The following TMEM108 variants were observed in gnomAD, a reference collection of about 807,000 sequenced individuals.
The protein encoded by TMEM108 is transmembrane protein 108, also known as cancer/testis antigen 124.
A neutral mutation model predicts 35.1 loss-of-function variants in TMEM108; 12 were observed. The observed-to-expected ratio is 0.34, with a 90% CI of 0.22 to 0.55. The LOEUF is 0.55. Among genes scored for constraint, TMEM108 ranks in the 20% least tolerant of loss-of-function variants. The pLI, the probability that TMEM108 is intolerant of heterozygous loss-of-function variation, is 0.89. For synonymous variants in TMEM108, 287 were observed against 308.6 expected, an observed-to-expected ratio of 0.93 and a Z score of 0.73; for missense variants, 680 against 753.3, an observed-to-expected ratio of 0.90 and a Z score of 1.14.
intron 5 of TMEM108, among the ~76,000 whole-genome samples, chr3:133,392,284 T>C (rs2073245540): frequency 6.8e-6 from 1 of 147,746 alleles, no homozygotes; most frequent in African/African-American, 2.5e-5. Context: ...TGCCTCAGCC[T>C]CCCAAGTAGC....
rs182256049 is a variant in TMEM108, at chr3:133,166,329, A to G, written c.-46-62937A>G. On this transcript the variant is annotated intron_variant, in intron 2 of 5. Transcript: ENST00000321871. ...ACCTATGTAACAAATCTGCACATGC[A>G]CCCGTAAACTAAAAATAGAAGTTGG... is the stretch of plus-strand genomic sequence containing the variant. Among the ~76,000 whole-genome samples the G allele has an allele frequency of 1.7e-3, 254 of 152,308 alleles. 2 individuals carry two copies. The highest frequency in any genetic ancestry group is 5.9e-3 in the African/African-American group (246 of 41,562).
chr3:133,099,891 C>T (rs900124218), intron 2 of TMEM108, among the ~76,000 whole-genome samples: 10 of 152,248 alleles, frequency 6.6e-5, no homozygotes, highest in Non-Finnish European at 1.2e-4. Context: ...TCTTCTGAGC[C>T]CTCCAAAGTG....
chr3:133,044,358 G>A (rs1397901065), intron 1 of TMEM108, among the ~76,000 whole-genome samples: 4 of 152,118 alleles, frequency 2.6e-5, no homozygotes, highest in Non-Finnish European at 5.9e-5. Context: ...CCAAAATCCT[G>A]TGACTCTAAG....
At chr3:133,070,018 T>C (rs901435227) in intron 2 of TMEM108, among the ~76,000 whole-genome samples, 12 of 152,320 alleles carry the variant, frequency 7.9e-5, no homozygotes, top group African/African-American at 2.9e-4. Flanking sequence ...TCTTCTCTCA[T>C]GGCTCAGTAC....
chr3:133,064,973 G>A (rs1012415722), intron 2 of TMEM108, among the ~76,000 whole-genome samples: 1 of 152,152 alleles, frequency 6.6e-6, no homozygotes, highest in Non-Finnish European at 1.5e-5. Context: ...TCCTTTGGAA[G>A]ATCTGGAAAG....
intron 3 of TMEM108, among the ~76,000 whole-genome samples, chr3:133,364,652 A>T (rs539017116): frequency 2.6e-4 from 39 of 152,326 alleles, no homozygotes; most frequent in African/African-American, 8.9e-4. Context: ...GAAAGGGGTA[A>T]ATCCTTAAAG....
intron 2 of TMEM108, among the ~76,000 whole-genome samples, chr3:133,122,917 A>G (rs1024765220): frequency 1.3e-5 from 2 of 152,182 alleles, no homozygotes; most frequent in Non-Finnish European, 2.9e-5. Context: ...AGGTGGAAAT[A>G]AAAGTTTTCC....
At chr3:133,310,264 C>G (rs1170356601) in intron 3 of TMEM108, among the ~76,000 whole-genome samples, 1 of 151,994 alleles carries the variant, frequency 6.6e-6, no homozygotes, top group Non-Finnish European at 1.5e-5. Flanking sequence ...CCTTGTTAAC[C>G]TTCTGTCTCG....
Position 133,346,621 on chromosome 3 carries a change from T to A in TMEM108, c.41-33131T>A, listed in dbSNP as rs1481873777. ...GATGGCTTGTCTTTTATTCTTTGAA[T>A]TTATCACAGCAGAAGTTTTAAATTT... On this transcript the variant is annotated intron_variant, in intron 3 of 5. Transcript: ENST00000321871. This position sits in a 1 kb window ranked among gnomAD's most constrained non-coding sequence, Gnocchi z 4.0. Among the ~76,000 whole-genome samples, 1 of 152,078 alleles carries A rather than the reference T, an allele frequency of 6.6e-6. No individual in the cohort carries two copies. Among genetic ancestry groups the A allele is most frequent in the Non-Finnish European group, 1.5e-5 (1 of 67,942 alleles).
chr3:133,229,490 G>A, intron 3 of TMEM108, 139 bp downstream of exon 3: 2 of 648,298 alleles, frequency 3.1e-6, no homozygotes, highest in Non-Finnish European at 5.1e-6. Context: ...GCTTCATCTA[G>A]ATGAAGTATC....
intron 3 of TMEM108, among the ~76,000 whole-genome samples, chr3:133,301,573 G>A (rs1220151702): frequency 6.6e-6 from 1 of 152,092 alleles, no homozygotes; most frequent in Non-Finnish European, 1.5e-5. Context: ...TACAAGCACC[G>A]GCTAGCTCAC....
rs1387599112 is a variant in TMEM108 at position 133,380,316 on chromosome 3, C to T, written c.605C>T (p.Pro202Leu). Residue 202 changes from proline to leucine, a missense_variant, in exon 4 of 6, where the codon CCA becomes CTA. By Grantham distance (98) the Pro-to-Leu change is moderately conservative. Around this residue, in one of 3 missense-constraint regions of TMEM108, gnomAD observed 526 missense variants for 532.1 expected, o/e 0.99. Coordinates refer to ENST00000321871, the MANE Select transcript of TMEM108 (RefSeq NM_023943.4). The surrounding 1 kb of genome is among the most constrained non-coding windows in gnomAD (Gnocchi z 5.3). ...AAAGAAGGACAGCGAGGACGAAATC[C>T]AAGCTCCACACCTCTGGGGCAGAAG... is the stretch of plus-strand genomic sequence containing the variant. The part of the protein sequence containing the change: ...RSKEGQRGRN[P>L]SSTPLGQKRP... 4.3e-6 allele frequency: 7 copies of T among 1,614,166 alleles called. No individual in the cohort carries two copies. Among genetic ancestry groups the T allele is most frequent in the Non-Finnish European group, 5.9e-6 (7 of 1,180,012 alleles).
rs546741524 is a variant in TMEM108, at chr3:133,302,583, A to G, written c.40+73232A>G. Among the ~76,000 whole-genome samples, 735 of 151,458 alleles carry G rather than the reference A, an allele frequency of 4.9e-3. 7 individuals carry two copies. The highest frequency in any genetic ancestry group is 0.017 in the African/African-American group (696 of 41,252). On this transcript the variant is annotated intron_variant, in intron 3 of 5. Coordinates refer to ENST00000321871, the MANE Select transcript of TMEM108 (RefSeq NM_023943.4). Reference sequence around the variant, plus strand: ...ACTACAGGCACCCGCCACCATGCCCAGCTAATTTTTGTATTTTTAGTAGGG... The same window carrying G: ...ACTACAGGCACCCGCCACCATGCCCGGCTAATTTTTGTATTTTTAGTAGGG...
intron 3 of TMEM108, chr3:133,378,614 T>A: frequency 1.1e-6 from 1 of 900,888 alleles, no homozygotes. Flanking sequence ...GACAGGCTCT[T>A]CCCAACCCAT....
chr3:133,230,601 T>A (rs920825405), intron 3 of TMEM108, among the ~76,000 whole-genome samples: 10 of 152,108 alleles, frequency 6.6e-5, no homozygotes, highest in Admixed American at 2.0e-4. Flanking sequence ...GAAGGATAAA[T>A]AGGATTTTAC....
intron 2 of TMEM108, among the ~76,000 whole-genome samples, chr3:133,143,946 ATT>A: frequency 7.0e-6 from 1 of 142,246 alleles, no homozygotes; most frequent in East Asian, 2.0e-4. Flanking sequence ...ATTTTATTTT[ATT>A]TTATTTTATT....
chr3:133,103,686 A>G (rs1310014147), intron 2 of TMEM108, among the ~76,000 whole-genome samples: 3 of 152,196 alleles, frequency 2.0e-5, no homozygotes, highest in Non-Finnish European at 4.4e-5. Context: ...TTTCTGTCAG[A>G]ATCCGCTTTC....
intron 2 of TMEM108, among the ~76,000 whole-genome samples, chr3:133,173,947 G>C (rs554097719): frequency 2.2e-3 from 339 of 152,344 alleles, no homozygotes; most frequent in African/African-American, 7.7e-3. Flanking sequence ...AGGGGTGACA[G>C]ACGGCACCTG....
At chr3:133,088,175 C>G (rs1943906088) in intron 2 of TMEM108, among the ~76,000 whole-genome samples, 1 of 152,030 alleles carries the variant, frequency 6.6e-6, no homozygotes, top group South Asian at 2.1e-4. Context: ...AGGGACAAGG[C>G]CTAAAACAGC....
Sources: allele counts gnomAD v4.1 joint callset (sites outside exome capture counted in the v4.1 genomes callset), GRCh38; gene constraint gnomAD v4.1.1; regional missense constraint gnomAD v4.1.1; non-coding constraint Gnocchi (gnomAD v3.1); transcripts MANE v1.5; gene names NCBI Gene and HGNC (gene_info 2026-07-23, HGNC 2026-07-21).